Variants in GLI3 observed in about 807,000 individuals in gnomAD.
GLI3 encodes transcription activator GLI3.
Under a neutral mutation model 100.8 loss-of-function variants are expected in GLI3, and 20 were observed. That is an observed-to-expected ratio of 0.20 (90% confidence interval 0.14 to 0.29). The LOEUF (loss-of-function observed/expected upper bound fraction) is 0.29. GLI3 is among the 10% of genes least tolerant of loss of function. The pLI is 1.00. For synonymous variants in GLI3, 938 were observed against 860.5 expected (o/e 1.09, Z -1.58); for missense variants, 2,040 against 2,128.5 (o/e 0.96, Z 0.82).
chr7:42,233,220 G>A (rs1199531296), intron 1 of GLI3, among the ~76,000 whole-genome samples: 1 of 152,142 alleles, frequency 6.6e-6, no homozygotes, highest in Non-Finnish European at 1.5e-5. Flanking sequence ...AAATTAACAA[G>A]TACCACTTAC....
At chr7:42,237,314 C>T (rs1788828609), upstream of GLI3, among the ~76,000 whole-genome samples, 1 of 148,432 alleles carries the variant, frequency 6.7e-6, no homozygotes, top group South Asian at 2.1e-4. Flanking sequence ...CTCACAAGCC[C>T]TGAGTGACAG....
chr7:42,206,469 T>C (rs1353356153), intron 2 of GLI3, among the ~76,000 whole-genome samples: 1 of 152,108 alleles, frequency 6.6e-6, no homozygotes, highest in Non-Finnish European at 1.5e-5. Flanking sequence ...AGCTGAACCC[T>C]CTCCATCTTG....
chr7:42,190,360 C>T (rs1787803185), intron 2 of GLI3, among the ~76,000 whole-genome samples: 1 of 152,058 alleles, frequency 6.6e-6, no homozygotes, highest in South Asian at 2.1e-4. Flanking sequence ...ACAATACAAG[C>T]ACAAACTGAA....
intron 3 of GLI3, among the ~76,000 whole-genome samples, chr7:42,127,289 G>C (rs1001327802): frequency 3.3e-5 from 5 of 152,284 alleles, no homozygotes; most frequent in African/African-American, 1.2e-4. Flanking sequence ...GGATAAAGAT[G>C]TTTTTCTCTG....
At chr7:42,154,229 G>C (rs147475794) in intron 2 of GLI3, among the ~76,000 whole-genome samples, 1 of 152,100 alleles carries the variant, frequency 6.6e-6, no homozygotes, top group East Asian at 1.9e-4. Context: ...AAATCTATGG[G>C]GAGACACTGG....
intron 2 of GLI3, among the ~76,000 whole-genome samples, chr7:42,189,957 G>T (rs9655428): frequency 1.7e-3 from 245 of 147,852 alleles, no homozygotes; most frequent in African/African-American, 5.7e-3. Flanking sequence ...ACACATATAT[G>T]TGTGCATGGG....
At chr7:42,134,227 C>T (rs1266224920) in intron 3 of GLI3, among the ~76,000 whole-genome samples, 2 of 152,142 alleles carry the variant, frequency 1.3e-5, no homozygotes, top group Non-Finnish European at 2.9e-5. Context: ...ACACACAGTC[C>T]AGCAGTCTGA....
intron 2 of GLI3, chr7:42,150,183 T>C (rs867430068): frequency 4.1e-4 from 63 of 152,220 alleles, no homozygotes; most frequent in African/African-American, 1.5e-3. Flanking sequence ...ATATGTTTAA[T>C]CTATCAAGTA....
At chr7:42,102,861 G>A (rs561959085) in intron 3 of GLI3, among the ~76,000 whole-genome samples, 3 of 152,194 alleles carry the variant, frequency 2.0e-5, no homozygotes, top group Admixed American at 1.3e-4. Context: ...ATCTCAGTTC[G>A]CCGGTCACAC....
At chr7:42,227,854 C>G (rs1455058837) in intron 1 of GLI3, 2 of 152,272 alleles carry the variant, frequency 1.3e-5, no homozygotes, top group East Asian at 3.9e-4. Context: ...GAAACCCAAA[C>G]AGAAACTTTC....
At chr7:42,241,744 C>G (rs1583672257), upstream of GLI3, among the ~76,000 whole-genome samples, 2 of 152,266 alleles carry the variant, frequency 1.3e-5, no homozygotes, top group Admixed American at 1.3e-4. Flanking sequence ...TGGACCTCCG[C>G]CAATCCCACA....
intron 2 of GLI3, among the ~76,000 whole-genome samples, chr7:42,167,426 T>G (rs1167412063): frequency 5.9e-5 from 9 of 152,170 alleles, no homozygotes; most frequent in African/African-American, 2.2e-4. Flanking sequence ...TGATTCATAG[T>G]TTACAGAGAT....
chr7:42,188,748 T>C (rs1045952279), intron 2 of GLI3, among the ~76,000 whole-genome samples: 1 of 152,214 alleles, frequency 6.6e-6, no homozygotes, highest in Non-Finnish European at 1.5e-5. Context: ...AAAAAGTCTA[T>C]GTACTATATG....
chr7:42,256,305 CT>C (rs375129522), intron 1 of GLI3, among the ~76,000 whole-genome samples: 32 of 146,532 alleles, frequency 2.2e-4, no homozygotes, highest in Middle Eastern at 3.6e-3. Flanking sequence ...AATTTATCAG[CT>C]TTTTTTTTTA....
At chr7:42,005,702 G>A (rs699487) in intron 10 of GLI3, among the ~76,000 whole-genome samples, 76,750 of 151,990 alleles carry the variant, frequency 0.5, 21,446 homozygotes, top group African/African-American at 0.77. Flanking sequence ...ACTGCCCGAC[G>A]TGGGAAGGGA....
intron 3 of GLI3, among the ~76,000 whole-genome samples, chr7:42,103,539 T>C (rs1785511529): frequency 6.6e-6 from 1 of 152,170 alleles, no homozygotes; most frequent in South Asian, 2.1e-4. Flanking sequence ...CACTATGTAA[T>C]TGGGGAACCA....
At chr7:42,201,044 A>G (rs1038070193) in intron 2 of GLI3, among the ~76,000 whole-genome samples, 2 of 152,232 alleles carry the variant, frequency 1.3e-5, no homozygotes, top group African/African-American at 2.4e-5. Flanking sequence ...GAAACCACAG[A>G]TAGTCCTGAA....
chr7:42,081,035 A>G (rs1784987503), intron 3 of GLI3, among the ~76,000 whole-genome samples: 1 of 152,196 alleles, frequency 6.6e-6, no homozygotes, highest in Non-Finnish European at 1.5e-5. Context: ...TGACTTCTCC[A>G]AAGTCAGGCG....
At chr7:42,163,956 T>C (rs1787186391) in intron 2 of GLI3, among the ~76,000 whole-genome samples, 1 of 152,236 alleles carries the variant, frequency 6.6e-6, no homozygotes, top group South Asian at 2.1e-4. Flanking sequence ...TACTTGTCTT[T>C]ATCAATCTTT....
Sources: allele counts gnomAD v4.1 joint callset (sites outside exome capture counted in the v4.1 genomes callset), GRCh38; gene constraint gnomAD v4.1.1; transcripts MANE v1.5; gene names NCBI Gene and HGNC (gene_info 2026-07-23, HGNC 2026-07-21).